The following TMEM176B variants were observed in gnomAD, a reference collection of about 807,000 sequenced individuals.
TMEM176B encodes LR8-like protein.
A neutral mutation model predicts 30.3 loss-of-function variants in TMEM176B; 28 were observed. The observed-to-expected ratio is 0.92, with a 90% CI of 0.68 to 1.27. The LOEUF is 1.27. TMEM176B is among the 50% of genes most tolerant of loss of function. The probability of loss-of-function intolerance (pLI) is 0.00; values close to 1 mark genes in which losing one functional copy is unlikely to be tolerated. For missense variants in TMEM176B, 349 were observed against 327.4 expected (o/e 1.07, Z -0.51); for synonymous variants, 123 against 130.3 (o/e 0.94, Z 0.38).
rs61633110 is a variant in TMEM176B, at chr7:150,796,579, C to T, written c.-5-5G>A. On this transcript the variant is annotated splice_polypyrimidine_tract_variant and splice_region_variant and intron_variant, in intron 1 of 6. Transcript: ENST00000326442. ...CCGTGTTTTGCGTCATCCTGCCTGCCAGGGAGAAGACATATAGCAGTGAGG... is the reference window on the plus strand; with the variant it reads ...CCGTGTTTTGCGTCATCCTGCCTGCTAGGGAGAAGACATATAGCAGTGAGG... 5.6e-6 allele frequency: 9 copies of T among 1,613,452 alleles called. No homozygotes were observed. In the East Asian group the frequency reaches 1.8e-4, roughly 32 times the overall value.
Position 150,793,148 on chromosome 7 carries a change from C to A in TMEM176B, c.540G>T (p.Arg180=), listed in dbSNP as rs769988791. 1.9e-6 allele frequency: 3 copies of A among 1,614,208 alleles called. No homozygotes were observed. The East Asian group carries it at 6.7e-5, about 36-fold the overall frequency. The change falls in exon 5 of 7, where the codon CGG becomes CGT. Residue 180 remains arginine (R), a synonymous_variant. Coordinates refer to ENST00000326442, the MANE Select transcript of TMEM176B (RefSeq NM_001101312.2). The part of the protein sequence containing the change: ...VFPTTGYRWM[R]RSQENQWQKE... ...TCTGCCATTGGTTCTCTTGACTTCG[C>A]CGCATCCATCTGTACCCAGTGGTAG...
intron 1 of TMEM176B, among the ~76,000 whole-genome samples, chr7:150,797,901 C>A (rs10226279): frequency 0.1 from 15,683 of 152,140 alleles, 2,486 homozygotes; most frequent in African/African-American, 0.35. Context: ...TGGCAGGGCA[C>A]CAGGAATGCG....
rs1314000204 is a variant in TMEM176B, at chr7:150,796,548, C to T, written c.22G>A (p.Val8Met). The T allele has an allele frequency of 6.2e-7, 1 of 1,614,104 alleles. No homozygotes were observed. The highest frequency in any genetic ancestry group is 1.7e-5 in the Admixed American group (1 of 60,022). ...CTAGAGGCCATAGCAACTCCATTCA[C>T]AATCACCGTGTTTTGCGTCATCCTG... MTQNTVI[V>M]NGVAMASRPS... Residue 8 changes from valine to methionine, a missense_variant, in exon 2 of 7, where the codon GTG becomes ATG. Coordinates refer to ENST00000326442, the MANE Select transcript of TMEM176B (RefSeq NM_001101312.2).
rs1798333968 is a variant in TMEM176B, at chr7:150,792,061, G to T, written c.715C>A (p.Pro239Thr). Residue 239 changes from proline (P) to threonine (T), a missense_variant, in exon 6 of 7, where the codon CCC becomes ACC. Coordinates refer to ENST00000326442, the MANE Select transcript of TMEM176B (RefSeq NM_001101312.2). ...LRNLCGQSSQ[P>T]LNEEGSEKRL... The stretch of plus-strand genomic sequence containing the variant: ...GCCCCTCCCCGACAACTCACCAGGG[G>T]CTGGGAGCTCTGGCCACACAAGTTT... The T allele has an allele frequency of 6.2e-7, 1 of 1,613,570 alleles. No homozygotes were observed. The highest frequency in any genetic ancestry group is 1.7e-5 in the Admixed American group (1 of 59,986).
rs754831165 is a variant in TMEM176B, at chr7:150,791,481, G to A, written c.*50C>T. The A allele has an allele frequency of 6.5e-7, 1 of 1,535,022 alleles. No individual in the cohort carries two copies. The highest frequency in any genetic ancestry group is 8.9e-7 in the Non-Finnish European group (1 of 1,117,676). ...GTGAGGAGCCAGGAGTGGGGGCCCT[G>A]GGCTGCCCTAGACAGGGACATGCGG... On this transcript the variant is annotated 3_prime_UTR_variant, in exon 7 of 7. Transcript: ENST00000326442.
At chr7:150,792,319 C>A in intron 5 of TMEM176B, 144 bp from the exon 6 acceptor site, 1 of 1,125,328 alleles carries the variant, frequency 8.9e-7, no homozygotes, top group Non-Finnish European at 1.3e-6. Context: ...GCCACAGCTT[C>A]CATCCCGTTG....
At chr7:150,791,685 A>G in intron 6 of TMEM176B, 62 bp from the exon 7 acceptor site, 1 of 1,441,782 alleles carries the variant, frequency 6.9e-7, no homozygotes. Flanking sequence ...TTAGTATCAT[A>G]GAACTCAGAA....
At position 150,794,038 on chromosome 7, in the gene TMEM176B, C is replaced by G; in HGVS notation, c.238G>C (p.Val80Leu). The G allele has an allele frequency of 6.2e-7, 1 of 1,613,994 alleles. No homozygotes were observed. The highest frequency in any genetic ancestry group is 8.5e-7 in the Non-Finnish European group (1 of 1,179,918). The stretch of plus-strand genomic sequence containing the variant: ...CCCAAGCTGAGACACACTCCAAGAA[C>G]ACAACTCACAACCCCCAGCAATATC... ...TQILLGVVSC[V>L]LGVCLSLGPW... is the part of the protein sequence containing the mutation. The change falls in exon 3 of 7, where the codon GTT becomes CTT. Residue 80 changes from valine (V) to leucine (L), a missense_variant. By Grantham distance (32) the Val-to-Leu change is conservative. Transcript: ENST00000326442.
intron 1 of TMEM176B, among the ~76,000 whole-genome samples, chr7:150,797,596 A>T (rs2116704675): frequency 6.6e-6 from 1 of 152,338 alleles, no homozygotes; most frequent in South Asian, 2.1e-4. Context: ...GGATGTCCTC[A>T]CAGAAGTATT....
intron 3 of TMEM176B, 51 bp from the exon 4 acceptor site, chr7:150,793,651 C>A: frequency 6.3e-7 from 1 of 1,585,360 alleles, no homozygotes; most frequent in South Asian, 1.1e-5. Context: ...CTGAATTGGT[C>A]TATCATCACC....
rs778731847 is a variant in TMEM176B at position 150,791,978 on chromosome 7, T to C, written c.720+78A>G. The C allele has an allele frequency of 6.3e-6, 10 of 1,593,118 alleles. 1 individual carries two copies. The highest frequency in any genetic ancestry group is 2.2e-5 in the South Asian group (2 of 89,300). ...GCCCAGCCTCAGGTTCGGGTGCCCC[T>C]GGCCCCGCACTCCTACCTGTCCCAC... On this transcript the variant is annotated intron_variant, in intron 6 of 6. Transcript: ENST00000326442.
At chr7:150,800,744 C>G (rs1798749469), upstream of TMEM176B, 1 of 151,954 alleles carries the variant, frequency 6.6e-6, no homozygotes, top group Non-Finnish European at 1.5e-5. Flanking sequence ...CTCCCCTCCC[C>G]GCCTCCCCCT....
At chr7:150,793,404 A>G in intron 4 of TMEM176B, 89 bp from the exon 5 acceptor site, 1 of 1,511,588 alleles carries the variant, frequency 6.6e-7, no homozygotes, top group Non-Finnish European at 9.0e-7. Flanking sequence ...CCTCTTCCCC[A>G]GCCCTTGTCC....
At position 150,791,380 on chromosome 7, in the gene TMEM176B, A is replaced by G. The variant is rs2302481; in HGVS notation, c.*151T>C. 86,583 of 589,392 alleles carry G rather than the reference A, an allele frequency of 0.15. 6,820 individuals are homozygous for G. The highest frequency in any genetic ancestry group is 0.18 in the African/African-American group (9,660 of 53,882). The allele number at this position is 589,392 out of a possible 1,614,324, so 36.5% of individuals were successfully genotyped here. A position where few individuals can be genotyped will look rare whatever the true frequency, so the allele number is the denominator to read the frequency against. On this transcript the variant is annotated 3_prime_UTR_variant, in exon 7 of 7. Transcript: ENST00000326442. ...ATCTGTTCATGGACTTGAGAACCCC[A>G]GAGTGGGAACAGCAGGTGCGGATGT... is the stretch of plus-strand genomic sequence containing the variant.
chr7:150,796,632 A>T lies in TMEM176B; in HGVS notation c.-5-58T>A, dbSNP rs1039278897. 49 of 1,525,048 alleles carry T rather than the reference A, an allele frequency of 3.2e-5. No individual in the cohort carries two copies. In the African/African-American group the frequency reaches 4.1e-4, roughly 13 times the overall value. 94.5% of individuals were successfully genotyped at this position (1,525,048 alleles called of 1,614,324 possible). A position where few individuals can be genotyped will look rare whatever the true frequency, so the allele number is the denominator to read the frequency against. On this transcript the variant is annotated intron_variant, in intron 1 of 6. Coordinates refer to ENST00000326442, the MANE Select transcript of TMEM176B (RefSeq NM_001101312.2). The stretch of plus-strand genomic sequence containing the variant: ...TGGGAACTAGGCGAGGGAAAAATAC[A>T]CAGCACAGGTGAAAGGAGAGAAATA...
chr7:150,799,799 A>T (rs759157255), intron 1 of TMEM176B, among the ~76,000 whole-genome samples: 2 of 144,726 alleles, frequency 1.4e-5, no homozygotes, highest in Non-Finnish European at 3.0e-5. Flanking sequence ...CCCCCGCCCC[A>T]CGCCAACCCC....
At chr7:150,800,998 C>T (rs951892146), upstream of TMEM176B, 65 of 985,656 alleles carry the variant, frequency 6.6e-5, no homozygotes, top group Non-Finnish European at 7.8e-5. Context: ...CCTACCTCCG[C>T]ACCGCAGCGC....
intron 1 of TMEM176B, among the ~76,000 whole-genome samples, chr7:150,798,736 G>A (rs1798629190): frequency 6.6e-6 from 1 of 152,120 alleles, no homozygotes; most frequent in Non-Finnish European, 1.5e-5. Flanking sequence ...TATGAGTGAG[G>A]TTGGTTGTCT....
chr7:150,799,183 A>G (rs1270370604), intron 1 of TMEM176B, among the ~76,000 whole-genome samples: 3 of 152,234 alleles, frequency 2.0e-5, no homozygotes, highest in Non-Finnish European at 4.4e-5. Context: ...AACTTCTGAA[A>G]GATACGTTCC....
Sources: gnomAD v4.1 joint callset for allele counts (sites outside exome capture counted in the v4.1 genomes callset) on GRCh38, gnomAD v4.1.1 for gene constraint, MANE v1.5 for transcripts, NCBI Gene and HGNC (gene_info 2026-07-23, HGNC 2026-07-21) for gene names.